FAXC: variants seen among roughly 807,000 people sequenced by gnomAD.
The protein encoded by FAXC is failed axon connections homolog.
Under a neutral mutation model 41.9 loss-of-function variants are expected in FAXC, and 10 were observed. The ratio of observed to expected loss-of-function variants is 0.24; its 90% confidence interval spans 0.15 to 0.41. FAXC has a LOEUF of 0.41. Among genes scored for constraint, FAXC ranks in the 10% least tolerant of loss-of-function variants. The pLI is 1.00. For synonymous variants in FAXC, 183 were observed against 183.8 expected (o/e 1.00, Z 0.03); for missense variants, 399 against 510.9 (o/e 0.78, Z 2.11).
Position 99,280,285 on chromosome 6 carries a change from A to C in FAXC, c.*879T>G, listed in dbSNP as rs1366670383. The C allele has an allele frequency of 6.6e-6, 1 of 152,234 alleles. No individual in the cohort carries two copies. The highest frequency in any genetic ancestry group is 6.5e-5 in the Admixed American group (1 of 15,282). The allele number at this position is 152,234 out of a possible 1,614,324, so 9.4% of individuals were successfully genotyped here. Reference sequence around the variant, plus strand: ...AGAAAGGAATCATGACAAAGTCCTAAGTGTACCTTTGTGTGTATTTCATCT... The same window carrying C: ...AGAAAGGAATCATGACAAAGTCCTACGTGTACCTTTGTGTGTATTTCATCT... On this transcript the variant is annotated 3_prime_UTR_variant, in exon 6 of 6. Coordinates refer to ENST00000389677, the MANE Select transcript of FAXC (RefSeq NM_032511.4).
chr6:99,339,297 G>A (rs1046494764), intron 2 of FAXC, among the ~76,000 whole-genome samples: 2 of 152,210 alleles, frequency 1.3e-5, no homozygotes, highest in Non-Finnish European at 2.9e-5. Context: ...GCCATTTGGG[G>A]GAATGGCAGC....
intron 3 of FAXC, among the ~76,000 whole-genome samples, chr6:99,327,493 C>T (rs1470663857): frequency 6.6e-6 from 1 of 152,204 alleles, no homozygotes; most frequent in East Asian, 1.9e-4. Flanking sequence ...AAGTATCTGA[C>T]ACTATTGGCC....
intron 1 of FAXC, 119 bp from the exon 2 acceptor site, chr6:99,343,152 T>C (rs1773482571): frequency 1.2e-6 from 1 of 855,814 alleles, no homozygotes; most frequent in African/African-American, 1.7e-5. Context: ...GATCTGTTTG[T>C]CACAGGGGCT....
Position 99,277,148 on chromosome 6 carries a change from T to C in FAXC, c.*4016A>G, listed in dbSNP as rs894760018. 85 of 152,614 alleles carry C rather than the reference T, an allele frequency of 5.6e-4. No homozygotes were observed. Among genetic ancestry groups the C allele is most frequent in the Non-Finnish European group, 1.9e-4 (13 of 68,382 alleles). The allele number at this position is 152,614 out of a possible 1,614,324, so 9.5% of individuals were successfully genotyped here. A position where few individuals can be genotyped will look rare whatever the true frequency, so the allele number is the denominator to read the frequency against. On this transcript the variant is annotated 3_prime_UTR_variant, in exon 6 of 6. Transcript: ENST00000389677. The stretch of plus-strand genomic sequence containing the variant: ...TTAGGCAATGGCAAATGGATCAACC[T>C]GGCTGCACTGGATGGCTCCCATGGA...
intron 4 of FAXC, among the ~76,000 whole-genome samples, chr6:99,301,403 A>C (rs1460672277): frequency 6.6e-6 from 1 of 152,256 alleles, no homozygotes; most frequent in African/African-American, 2.4e-5. Flanking sequence ...GAATGGCCAC[A>C]GGCATTGCAT....
At chr6:99,284,598 T>TGTGTGTGTGTGAGA (rs34495212) in intron 5 of FAXC, among the ~76,000 whole-genome samples, 1 of 142,856 alleles carries the variant, frequency 7.0e-6, no homozygotes, top group Non-Finnish European at 1.5e-5. Flanking sequence ...TGTGTGTGTG[T>TGTGTGTGTGTGAGA]GATAAGCCTG....
chr6:99,292,736 T>A (rs1771294181), intron 4 of FAXC, among the ~76,000 whole-genome samples: 1 of 152,240 alleles, frequency 6.6e-6, no homozygotes, highest in African/African-American at 2.4e-5. Flanking sequence ...CAAAATGACA[T>A]AATGTACATT....
intron 4 of FAXC, chr6:99,309,960 A>C: frequency 1.0e-6 from 1 of 958,802 alleles, no homozygotes; most frequent in Non-Finnish European, 1.2e-6. Context: ...GGAACAGAAG[A>C]AAAGCACTGT....
intron 4 of FAXC, among the ~76,000 whole-genome samples, chr6:99,292,617 T>C (rs928880797): frequency 1.3e-5 from 2 of 152,246 alleles, no homozygotes; most frequent in African/African-American, 2.4e-5. Flanking sequence ...GGCATCACCG[T>C]TATTCACTGT....
At chr6:99,302,525 G>T (rs1246295558) in intron 4 of FAXC, among the ~76,000 whole-genome samples, 1 of 152,010 alleles carries the variant, frequency 6.6e-6, no homozygotes, top group Non-Finnish European at 1.5e-5. Context: ...GCGTGGTGGC[G>T]CATGCCTGTG....
rs537813764 is a variant in FAXC, at chr6:99,341,159, TAAC to T, written c.402+1736_402+1738del. Among the ~76,000 whole-genome samples the T allele has an allele frequency of 1.8e-4, 27 of 151,682 alleles. 1 individual carries two copies. The South Asian group carries it at 4.2e-3, about 24-fold the overall frequency. On this transcript the variant is annotated intron_variant, in intron 2 of 5. Coordinates refer to ENST00000389677, the MANE Select transcript of FAXC (RefSeq NM_032511.4). ...ATTTGGGTCTTAAGAGTAACTACAA[TAAC>T]AACAAAAATATAATTTGTTTTAAAT...
intron 5 of FAXC, among the ~76,000 whole-genome samples, chr6:99,284,914 CA>C (rs554724370): frequency 0.071 from 7,242 of 101,538 alleles, 169 homozygotes; most frequent in Middle Eastern, 0.084. Context: ...GCCTCTATCT[CA>C]AAAAAAAAAA....
In FAXC at chr6:99,343,709, C is replaced by T. The variant is rs146602070; in HGVS notation, c.267-676G>A. Reference sequence around the variant, plus strand: ...CAGTGCAGATTTGCTCTGCTATGACCCAAGTCTGTAGGGAATCTGAGACTG... The same window carrying T: ...CAGTGCAGATTTGCTCTGCTATGACTCAAGTCTGTAGGGAATCTGAGACTG... On this transcript the variant is annotated intron_variant, in intron 1 of 5. Coordinates refer to ENST00000389677, the MANE Select transcript of FAXC (RefSeq NM_032511.4). Among the ~76,000 whole-genome samples, 155 of 152,226 alleles carry T rather than the reference C, an allele frequency of 1.0e-3. 1 individual carries two copies. The highest frequency in any genetic ancestry group is 3.6e-3 in the African/African-American group (150 of 41,508).
rs1217743737 is a variant in FAXC, at chr6:99,323,614, A to G, written c.653T>C (p.Leu218Pro). The change falls in exon 4 of 6, where the codon CTC becomes CCC. Residue 218 changes from leucine (L) to proline (P), a missense_variant. By Grantham distance (98) the Leu-to-Pro change is moderately conservative. Around this residue, in one of 3 missense-constraint regions of FAXC, gnomAD observed 239 missense variants for 352.7 expected, o/e 0.68. Transcript: ENST00000389677. The part of the protein sequence containing the change: ...VDNLNETRKM[L>P]SLSGGGPFSN... ...GAAGGGACCACCACCACTAAGAGAG[A>G]GCATCTTCCGGGTCTCATTGAGATT... 6 of 1,614,196 alleles carry G rather than the reference A, an allele frequency of 3.7e-6. No homozygotes were observed. The South Asian group carries it at 6.6e-5, about 18-fold the overall frequency.
At chr6:99,335,781 T>C (rs1342753323) in intron 2 of FAXC, among the ~76,000 whole-genome samples, 1 of 152,226 alleles carries the variant, frequency 6.6e-6, no homozygotes, top group African/African-American at 2.4e-5. Flanking sequence ...ACCAATTATC[T>C]ATTTCTAACA....
chr6:99,321,931 C>T (rs1002569806), intron 4 of FAXC, among the ~76,000 whole-genome samples: 1 of 152,130 alleles, frequency 6.6e-6, no homozygotes, highest in African/African-American at 2.4e-5. Flanking sequence ...TACTGAGGCT[C>T]ACAACAGCAT....
rs757962434 is a variant in FAXC at position 99,278,208 on chromosome 6, C to T, written c.*2956G>A. ...GGTAAATGCTGACAATATAGTTCAT[C>T]ATTGCATAAATATAGATTGTCCTTA... On this transcript the variant is annotated 3_prime_UTR_variant, in exon 6 of 6. Transcript: ENST00000389677. 1.3e-4 allele frequency: 20 copies of T among 152,162 alleles called. No individual in the cohort carries two copies. Among genetic ancestry groups the T allele is most frequent in the Non-Finnish European group, 2.8e-4 (19 of 68,026 alleles). The allele number at this position is 152,162 out of a possible 1,614,324, so 9.4% of individuals were successfully genotyped here. A position where few individuals can be genotyped will look rare whatever the true frequency, so the allele number is the denominator to read the frequency against.
At chr6:99,334,995 C>A (rs1773165121) in intron 2 of FAXC, among the ~76,000 whole-genome samples, 1 of 152,162 alleles carries the variant, frequency 6.6e-6, no homozygotes, top group Admixed American at 6.5e-5. Flanking sequence ...TTTTCTCCAC[C>A]CTCTGTAAAG....
At chr6:99,324,372 T>C (rs1772714578) in intron 3 of FAXC, among the ~76,000 whole-genome samples, 1 of 152,176 alleles carries the variant, frequency 6.6e-6, no homozygotes, top group African/African-American at 2.4e-5. Flanking sequence ...CTAGCCTTTT[T>C]GCTTTTTTGA....
Sources: gnomAD v4.1 joint callset for allele counts (sites outside exome capture counted in the v4.1 genomes callset) on GRCh38, gnomAD v4.1.1 for gene constraint, gnomAD v4.1.1 regional missense constraint, MANE v1.5 for transcripts, NCBI Gene and HGNC (gene_info 2026-07-23, HGNC 2026-07-21) for gene names.